ELK3: variants seen among roughly 807,000 people sequenced by gnomAD.
The protein encoded by ELK3 is ETS transcription factor ELK3, also known as ETS domain-containing protein Elk-3.
A neutral mutation model predicts 28.9 loss-of-function variants in ELK3; 10 were observed. The ratio of observed to expected loss-of-function variants is 0.35; its 90% CI spans 0.21 to 0.59. The LOEUF is 0.59. ELK3 is among the 20% of genes least tolerant of loss of function. ELK3 has a pLI of 0.82. For synonymous variants in ELK3, 272 were observed against 243.5 expected (o/e 1.12, Z -1.09); for missense variants, 463 against 517.3 (o/e 0.90, Z 1.02).
At position 96,247,760 on chromosome 12, in the gene ELK3, C is replaced by T. The variant is rs1360874879; in HGVS notation, c.1002+26C>T. On this transcript the variant is annotated intron_variant, in intron 3 of 4. Transcript: ENST00000228741. The surrounding 1 kb of genome is among the most constrained non-coding windows in gnomAD (Gnocchi z 5.5). ...GTAAGAGTCATTCCTGTCATCTAAG[C>T]CACAGCCAGCTTCAGTGGCTTAGCA... is the stretch of plus-strand genomic sequence containing the variant. The T allele has an allele frequency of 2.0e-6, 3 of 1,492,912 alleles. No homozygotes were observed. Among genetic ancestry groups the T allele is most frequent in the Non-Finnish European group, 2.7e-6 (3 of 1,124,434 alleles). 92.5% of individuals were successfully genotyped at this position (1,492,912 alleles called of 1,614,324 possible). A position where few individuals can be genotyped will look rare whatever the true frequency, so the allele number is the denominator to read the frequency against.
chr12:96,243,444 T>A (rs190429568), intron 2 of ELK3, among the ~76,000 whole-genome samples: 1,534 of 152,290 alleles, frequency 0.01, 47 homozygotes, highest in Admixed American at 0.061. Flanking sequence ...AATAGAATAT[T>A]CTATTCTATG....
At chr12:96,234,665 C>T (rs910012320) in intron 2 of ELK3, among the ~76,000 whole-genome samples, 2 of 152,246 alleles carry the variant, frequency 1.3e-5, no homozygotes, top group East Asian at 1.9e-4. Context: ...GGTATTTTTA[C>T]ATCTATTAGC....
intron 1 of ELK3, among the ~76,000 whole-genome samples, chr12:96,196,982 C>A (rs1951474623): frequency 6.6e-6 from 1 of 152,050 alleles, no homozygotes; most frequent in South Asian, 2.1e-4. Context: ...AATGCTATGC[C>A]TTCACAGAGT....
intron 2 of ELK3, among the ~76,000 whole-genome samples, chr12:96,230,488 G>A (rs1430006159): frequency 6.6e-6 from 1 of 152,136 alleles, no homozygotes; most frequent in Non-Finnish European, 1.5e-5. Context: ...CCCCATGACA[G>A]GCACAGCACC....
chr12:96,258,345 AT>A (rs1489685930), intron 3 of ELK3, among the ~76,000 whole-genome samples: 9 of 152,242 alleles, frequency 5.9e-5, no homozygotes, highest in Non-Finnish European at 1.2e-4. Context: ...AACGACTCAA[AT>A]AATTTGGTAT....
chr12:96,219,458 G>C (rs1055169153), intron 1 of ELK3, among the ~76,000 whole-genome samples: 10 of 152,180 alleles, frequency 6.6e-5, no homozygotes, highest in African/African-American at 2.4e-4. Context: ...TTTCCAACTG[G>C]CAGAGGCGCA....
intron 1 of ELK3, chr12:96,222,995 A>C (rs879545365): frequency 1.3e-5 from 2 of 159,326 alleles, no homozygotes; most frequent in Non-Finnish European, 2.8e-5. Context: ...AAATGACCAG[A>C]TCTCATGAGA....
chr12:96,264,234 T>C (rs1190564908), intron 4 of ELK3, among the ~76,000 whole-genome samples: 1 of 152,134 alleles, frequency 6.6e-6, no homozygotes, highest in Non-Finnish European at 1.5e-5. Flanking sequence ...GTCCTCCTGC[T>C]TTAGCTTCCT....
At chr12:96,224,590 G>C (rs566101603) in intron 2 of ELK3, among the ~76,000 whole-genome samples, 23 of 152,286 alleles carry the variant, frequency 1.5e-4, no homozygotes, top group African/African-American at 5.5e-4. Context: ...TGATAATATA[G>C]CGTAGTTGCC....
chr12:96,267,169 C>A lies in ELK3; in HGVS notation c.1213C>A (p.Gln405Lys), dbSNP rs1352291760. The A allele has an allele frequency of 2.5e-6, 4 of 1,612,290 alleles. No homozygotes were observed. In the South Asian group the frequency reaches 4.4e-5, roughly 18 times the overall value. ...TCCAGTACTGCTTTCTTCAAACTCT[C>A]AGAAATCCTGATGACGTCTGGCCAC... The part of the protein sequence containing the change: ...ASPVLLSSNS[Q>K]KS Residue 405 changes from glutamine to lysine, a missense_variant, in exon 5 of 5, where the codon CAG becomes AAG. Physicochemically the swap from Gln to Lys is moderately conservative, Grantham distance 53. This residue lies in a region of ELK3 where 408 missense variants were observed against 414.8 expected (regional missense o/e 0.98). Coordinates refer to ENST00000228741, the MANE Select transcript of ELK3 (RefSeq NM_005230.4).
chr12:96,202,154 A>G (rs528227001), intron 1 of ELK3, among the ~76,000 whole-genome samples: 65 of 152,238 alleles, frequency 4.3e-4, no homozygotes, highest in African/African-American at 1.4e-3. Context: ...AGCTAGAACA[A>G]TCCTTTCAAA....
In ELK3 at chr12:96,241,171, T is replaced by C. The variant is rs1033325255; in HGVS notation, c.208-5769T>C. Among the ~76,000 whole-genome samples the C allele has an allele frequency of 3.3e-5, 5 of 152,256 alleles. No individual in the cohort carries two copies. The South Asian group carries it at 8.3e-4, about 25-fold the overall frequency. ...GAGCCGTGGAAAATTGTGTCTTTCA[T>C]GCCTGTGGCTTTATGCCTGGGTCAG... On this transcript the variant is annotated intron_variant, in intron 2 of 4. Transcript: ENST00000228741.
chr12:96,244,669 A>C (rs975507931), intron 2 of ELK3, among the ~76,000 whole-genome samples: 2 of 152,190 alleles, frequency 1.3e-5, no homozygotes, highest in Admixed American at 6.5e-5. Flanking sequence ...CCAGGGAGAA[A>C]AATATTATGA....
chr12:96,216,427 T>C (rs1046058259), intron 1 of ELK3, among the ~76,000 whole-genome samples: 2 of 152,224 alleles, frequency 1.3e-5, no homozygotes, highest in Non-Finnish European at 2.9e-5. Flanking sequence ...TTACGATTTT[T>C]TGTGCTTTCA....
intron 1 of ELK3, among the ~76,000 whole-genome samples, chr12:96,220,096 C>T (rs553308524): frequency 2.0e-5 from 3 of 152,314 alleles, no homozygotes; most frequent in South Asian, 4.1e-4. Flanking sequence ...GGGGGCATTT[C>T]TGTGATTCCT....
intron 1 of ELK3, among the ~76,000 whole-genome samples, chr12:96,214,026 C>G (rs547357644): frequency 1.3e-5 from 2 of 152,074 alleles, no homozygotes; most frequent in Non-Finnish European, 2.9e-5. Flanking sequence ...CATTAAAAAC[C>G]CAGTAATCCT....
chr12:96,207,447 G>A (rs1951544960), intron 1 of ELK3, among the ~76,000 whole-genome samples: 1 of 152,210 alleles, frequency 6.6e-6, no homozygotes, highest in Non-Finnish European at 1.5e-5. Context: ...GTTGAAGACT[G>A]CAGAGTCACT....
intron 2 of ELK3, among the ~76,000 whole-genome samples, chr12:96,242,587 TAAGG>T (rs1252257377): frequency 6.6e-6 from 1 of 152,144 alleles, no homozygotes; most frequent in Admixed American, 6.5e-5. Flanking sequence ...CCCTGGAAGA[TAAGG>T]AAGAAGGGGC....
intron 2 of ELK3, among the ~76,000 whole-genome samples, chr12:96,228,381 G>A (rs1250216618): frequency 7.9e-6 from 1 of 125,860 alleles, no homozygotes; most frequent in African/African-American, 3.1e-5. Flanking sequence ...TTGCGCCACT[G>A]CACTCCAGCC....
Sources: allele counts gnomAD v4.1 joint callset (sites outside exome capture counted in the v4.1 genomes callset), GRCh38; gene constraint gnomAD v4.1.1; regional missense constraint gnomAD v4.1.1; non-coding constraint Gnocchi (gnomAD v3.1); transcripts MANE v1.5; gene names NCBI Gene and HGNC (gene_info 2026-07-23, HGNC 2026-07-21).